Variants in SMAD4 observed in about 807,000 individuals in gnomAD.
SMAD4 encodes the protein MAD homolog 4.
Under a neutral mutation model 63.2 loss-of-function variants are expected in SMAD4, and 7 were observed. The observed-to-expected ratio is 0.11, with a 90% CI of 0.06 to 0.21. The LOEUF (loss-of-function observed/expected upper bound fraction) is 0.21, where lower values mean the gene tolerates loss of function less well. Ranked by LOEUF, SMAD4 falls within the 10% of genes least tolerant of loss-of-function variation. SMAD4 has a pLI of 1.00. For synonymous variants in SMAD4, 215 were observed against 235.4 expected (o/e 0.91, Z 0.79); for missense variants, 312 against 693.8 (o/e 0.45, Z 6.18).
At position 51,066,650 on chromosome 18, in the gene SMAD4, C is replaced by T. The variant is rs981605183; in HGVS notation, c.1140-369C>T. 8.5e-5 allele frequency among the ~76,000 whole-genome samples: 13 copies of T among 152,154 alleles called. No homozygotes were observed. The South Asian group carries it at 1.2e-3, about 15-fold the overall frequency. The stretch of plus-strand genomic sequence containing the variant: ...ATTATAGCTCACTTGATTGACTAAT[C>T]GGATTTCTAATTAGTTTTAATTTAA... On this transcript the variant is annotated intron_variant, in intron 9 of 11. Coordinates refer to ENST00000342988, the MANE Select transcript of SMAD4 (RefSeq NM_005359.6).
chr18:51,038,561 A>T (rs910887001), intron 1 of SMAD4, among the ~76,000 whole-genome samples: 1 of 152,240 alleles, frequency 6.6e-6, no homozygotes, highest in African/African-American at 2.4e-5. Flanking sequence ...TTAGCTGTCC[A>T]TGTGAGACAC....
chr18:51,034,898 A>G (rs1164261934), intron 1 of SMAD4, among the ~76,000 whole-genome samples: 1 of 152,218 alleles, frequency 6.6e-6, no homozygotes, highest in Non-Finnish European at 1.5e-5. Flanking sequence ...GCTTTACAAA[A>G]TACTGATACC....
intron 10 of SMAD4, among the ~76,000 whole-genome samples, 184 bp from the exon 11 acceptor site, chr18:51,076,454 C>G (rs1269420040): frequency 6.6e-6 from 1 of 152,164 alleles, no homozygotes; most frequent in African/African-American, 2.4e-5. Flanking sequence ...TTGGTGAGCT[C>G]CAAGCCACCT....
intron 5 of SMAD4, among the ~76,000 whole-genome samples, chr18:51,057,344 A>G (rs534468750): frequency 1.3e-5 from 2 of 152,280 alleles, no homozygotes; most frequent in African/African-American, 4.8e-5. Flanking sequence ...TTAAAAATGT[A>G]GGACAGTAAG....
chr18:51,038,126 A>G (rs1909258620), intron 1 of SMAD4, among the ~76,000 whole-genome samples: 1 of 152,050 alleles, frequency 6.6e-6, no homozygotes, highest in Non-Finnish European at 1.5e-5. Context: ...AATTAGGTGT[A>G]GTGGCATGTA....
At chr18:51,070,260 C>T (rs1910281673) in intron 10 of SMAD4, among the ~76,000 whole-genome samples, 1 of 152,112 alleles carries the variant, frequency 6.6e-6, no homozygotes, top group Non-Finnish European at 1.5e-5. Context: ...AGTGTAATTT[C>T]TTGGATGTCA....
At chr18:51,050,721 G>A (rs8084630) in intron 4 of SMAD4, among the ~76,000 whole-genome samples, 58,611 of 151,684 alleles carry the variant, frequency 0.39, 11,379 homozygotes, top group East Asian at 0.45. Context: ...CTGGAGGGCA[G>A]TTAGTAGTAG....
intron 10 of SMAD4, among the ~76,000 whole-genome samples, chr18:51,075,733 G>A (rs1341859857): frequency 6.6e-6 from 1 of 152,150 alleles, no homozygotes; most frequent in Non-Finnish European, 1.5e-5. Flanking sequence ...TACTATGCCA[G>A]TTCTTCACTT....
intron 4 of SMAD4, chr18:51,051,487 CCTAT>C (rs1909711554): frequency 2.3e-6 from 1 of 437,394 alleles, no homozygotes; most frequent in Non-Finnish European, 4.5e-6. Context: ...TCATTTCCAG[CCTAT>C]CTTTTACCTT....
At chr18:51,042,708 TTTTTTA>T (rs1599177956) in intron 1 of SMAD4, among the ~76,000 whole-genome samples, 1 of 152,000 alleles carries the variant, frequency 6.6e-6, no homozygotes, top group East Asian at 1.9e-4. Flanking sequence ...GGTTGTTTTG[TTTTTTA>T]TTTTTGAGAC....
intron 4 of SMAD4, chr18:51,052,979 A>G (rs538999890): frequency 2.2e-4 from 33 of 152,432 alleles, no homozygotes; most frequent in Non-Finnish European, 5.9e-5. Flanking sequence ...TACCTGAGAA[A>G]CATTTATTAT....
intron 1 of SMAD4, among the ~76,000 whole-genome samples, chr18:51,042,982 G>C (rs1320395211): frequency 6.6e-6 from 1 of 152,162 alleles, no homozygotes; most frequent in Non-Finnish European, 1.5e-5. Context: ...TAATGATTCT[G>C]TATATAAGTG....
At chr18:51,036,120 G>A (rs1909197421) in intron 1 of SMAD4, among the ~76,000 whole-genome samples, 1 of 151,948 alleles carries the variant, frequency 6.6e-6, no homozygotes. Flanking sequence ...ACTACAGGCC[G>A]GCACCACCAC....
At chr18:51,052,815 A>G (rs1246830894) in intron 4 of SMAD4, 2 of 182,666 alleles carry the variant, frequency 1.1e-5, no homozygotes, top group African/African-American at 4.7e-5. Flanking sequence ...AACGTATACT[A>G]TGCATACTGT....
chr18:51,044,126 T>C (rs907186828), intron 1 of SMAD4, among the ~76,000 whole-genome samples: 11 of 152,308 alleles, frequency 7.2e-5, no homozygotes, highest in Admixed American at 6.5e-4. Context: ...TAATTTAACG[T>C]ATCTTTCCTT....
At chr18:51,045,694 T>C (rs1909524128) in intron 1 of SMAD4, among the ~76,000 whole-genome samples, 2 of 152,190 alleles carry the variant, frequency 1.3e-5, no homozygotes, top group Non-Finnish European at 2.9e-5. Flanking sequence ...TCAGTGGTTT[T>C]TACTATAGTC....
chr18:51,061,753 A>C (rs1366131555), intron 8 of SMAD4, among the ~76,000 whole-genome samples: 1 of 152,190 alleles, frequency 6.6e-6, no homozygotes, highest in Non-Finnish European at 1.5e-5. Flanking sequence ...TAAATATCTT[A>C]GTATATATTT....
At chr18:51,051,875 C>T (rs1186244992) in intron 4 of SMAD4, among the ~76,000 whole-genome samples, 1 of 151,774 alleles carries the variant, frequency 6.6e-6, no homozygotes, top group Non-Finnish European at 1.5e-5. Context: ...GGTGCGATTT[C>T]GGCTCACTGC....
chr18:51,043,509 A>G (rs919208755), intron 1 of SMAD4, among the ~76,000 whole-genome samples: 10 of 152,214 alleles, frequency 6.6e-5, no homozygotes, highest in Admixed American at 6.5e-4. Context: ...TCCATAATCT[A>G]GAACCATTTA....
Sources: gnomAD v4.1 joint callset for allele counts (sites outside exome capture counted in the v4.1 genomes callset) on GRCh38, gnomAD v4.1.1 for gene constraint, MANE v1.5 for transcripts, NCBI Gene and HGNC (gene_info 2026-07-23, HGNC 2026-07-21) for gene names.